ARL6IP6: variants seen among roughly 807,000 people sequenced by gnomAD.
ARL6IP6 encodes the protein ADP-ribosylation factor-like protein 6-interacting protein 6.
ARL6IP6 carries 22 observed loss-of-function variants against 21.5 expected under a neutral mutation model. The observed-to-expected ratio is 1.02, with a 90% CI of 0.73 to 1.46. ARL6IP6 has a LOEUF of 1.46. Ranked by LOEUF, ARL6IP6 falls within the 40% of genes most tolerant of loss-of-function variation. ARL6IP6 has a pLI of 0.00. For missense variants in ARL6IP6, 388 were observed against 299.8 expected (o/e 1.29, Z -2.17); for synonymous variants, 164 against 125.3 (o/e 1.31, Z -2.06).
intron 2 of ARL6IP6, among the ~76,000 whole-genome samples, chr2:152,726,373 C>A (rs963578504): frequency 2.0e-5 from 3 of 152,176 alleles, no homozygotes; most frequent in Non-Finnish European, 4.4e-5. Context: ...ACTCTGCACC[C>A]ACTATGCTCA....
chr2:152,754,047 T>G (rs1052384040), intron 3 of ARL6IP6, among the ~76,000 whole-genome samples: 37 of 137,648 alleles, frequency 2.7e-4, no homozygotes, highest in Non-Finnish European at 4.0e-4. Flanking sequence ...TTGTTTTTTG[T>G]TTTTTTTTTT....
chr2:152,740,505 G>A (rs553207731), intron 3 of ARL6IP6, among the ~76,000 whole-genome samples: 42 of 149,952 alleles, frequency 2.8e-4, no homozygotes, highest in Admixed American at 5.3e-4. Flanking sequence ...TATATGTTGT[G>A]TATGCACAAA....
chr2:152,759,089 G>T (rs1701714832), intron 3 of ARL6IP6, among the ~76,000 whole-genome samples: 1 of 152,100 alleles, frequency 6.6e-6, no homozygotes, highest in African/African-American at 2.4e-5. Flanking sequence ...AAAAACTGTT[G>T]TAAGATTGTT....
intron 2 of ARL6IP6, among the ~76,000 whole-genome samples, chr2:152,722,750 AAAAC>A (rs1213950308): frequency 3.9e-5 from 6 of 152,140 alleles, no homozygotes; most frequent in Admixed American, 3.3e-4. Flanking sequence ...TAAAAATACA[AAAAC>A]AAAATTAGCT....
At chr2:152,746,821 C>CTTTTTTTTTTTTTTTTTTTTTTT (rs61506535) in intron 3 of ARL6IP6, among the ~76,000 whole-genome samples, 2 of 33,082 alleles carry the variant, frequency 6.0e-5, no homozygotes, top group Non-Finnish European at 1.1e-4. Context: ...TTTATCCTTT[C>CTTTTTTTTTTTTTTTTTTTTTTT]TTTTTTTTTT....
intron 2 of ARL6IP6, 36 bp downstream of exon 2, chr2:152,720,622 C>T (rs775710805): frequency 2.5e-6 from 4 of 1,571,312 alleles, no homozygotes; most frequent in East Asian, 4.5e-5. Flanking sequence ...TGGTTTTGAG[C>T]TCACGTTTGT....
At chr2:152,720,492 T>A (rs574413561) in intron 1 of ARL6IP6, 41 bp from the exon 2 acceptor site, 11 of 1,587,162 alleles carry the variant, frequency 6.9e-6, no homozygotes, top group Non-Finnish European at 8.7e-6. Context: ...TTTCAAATTA[T>A]AGTATTGCTT....
chr2:152,738,839 C>G (rs1245502389), intron 3 of ARL6IP6, among the ~76,000 whole-genome samples: 1 of 151,936 alleles, frequency 6.6e-6, no homozygotes, highest in African/African-American at 2.4e-5. Context: ...ATTGCTACAG[C>G]TGGCTTGAAT....
chr2:152,749,946 G>T (rs1324033071), intron 3 of ARL6IP6, among the ~76,000 whole-genome samples: 1 of 152,172 alleles, frequency 6.6e-6, no homozygotes, highest in African/African-American at 2.4e-5. Context: ...GTCAAATGAA[G>T]AGTCACATCT....
rs1235742383 is a variant in ARL6IP6 at position 152,718,815 on chromosome 2, G to C, written c.191G>C (p.Trp64Ser). Residue 64 changes from tryptophan to serine, a missense_variant, in exon 1 of 4, where the codon TGG becomes TCG. Physicochemically the swap from Trp to Ser is radical, Grantham distance 177 (BLOSUM62 -3). Transcript: ENST00000326446. ...CGGGCGGAGTTCTCGGCTGGGGCGT[G>C]GTCAGAGCCCAGAAAGCGCTCGGTG... The part of the protein sequence containing the change: ...DLRAEFSAGA[W>S]SEPRKRSVLP... 2 of 1,608,488 alleles carry C rather than the reference G, an allele frequency of 1.2e-6. No homozygotes were observed. The highest frequency in any genetic ancestry group is 8.5e-7 in the Non-Finnish European group (1 of 1,177,234).
chr2:152,744,509 G>C (rs912756623), intron 3 of ARL6IP6, among the ~76,000 whole-genome samples: 1 of 152,094 alleles, frequency 6.6e-6, no homozygotes, highest in Non-Finnish European at 1.5e-5. Flanking sequence ...TCAGTTATTA[G>C]TGTTATATCA....
At position 152,734,919 on chromosome 2, in the gene ARL6IP6, A is replaced by G. The variant is rs952361628; in HGVS notation, c.455-75A>G. ...AAGATGAGAAATATACATGATCTGA[A>G]CATGAGAGTACTGGTTTAATTTAAA... On this transcript the variant is annotated intron_variant, in intron 2 of 3. Transcript: ENST00000326446. The G allele has an allele frequency of 2.1e-6, 3 of 1,423,484 alleles. No individual in the cohort carries two copies. In the African/African-American group the frequency reaches 4.3e-5, roughly 20 times the overall value. The allele number at this position is 1,423,484 out of a possible 1,614,324, so 88.2% of individuals were successfully genotyped here.
At chr2:152,730,208 A>G (rs557474971) in intron 2 of ARL6IP6, among the ~76,000 whole-genome samples, 1 of 152,336 alleles carries the variant, frequency 6.6e-6, no homozygotes, top group South Asian at 2.1e-4. Flanking sequence ...GAAAAACTCA[A>G]GAATATTCTT....
rs1313756973 is a variant in ARL6IP6 at position 152,761,488 on chromosome 2, A to G, written c.*1648A>G. ...ACCACCAATGTGAGTAACTCCCTCC[A>G]GATTGTTTGTGTCTAATGACTAGGA... On this transcript the variant is annotated 3_prime_UTR_variant, in exon 4 of 4. Transcript: ENST00000326446. 6.6e-6 allele frequency among the ~76,000 whole-genome samples: 1 copy of G among 152,136 alleles called. No homozygotes were observed. The highest frequency in any genetic ancestry group is 2.4e-5 in the African/African-American group (1 of 41,430).
In ARL6IP6 at chr2:152,721,566, G is replaced by T. The variant is rs185313462; in HGVS notation, c.454+980G>T. Among the ~76,000 whole-genome samples the T allele has an allele frequency of 1.5e-3, 227 of 152,272 alleles. 1 individual carries two copies. Among genetic ancestry groups the T allele is most frequent in the Non-Finnish European group, 2.2e-3 (153 of 68,026 alleles). On this transcript the variant is annotated intron_variant, in intron 2 of 3. Coordinates refer to ENST00000326446, the MANE Select transcript of ARL6IP6 (RefSeq NM_152522.7). Reference sequence around the variant, plus strand: ...TATTTGCTTTGATCACTCTAAATTGGGGAGGGGAGATCAAACTTAATCACT... The same window carrying T: ...TATTTGCTTTGATCACTCTAAATTGTGGAGGGGAGATCAAACTTAATCACT...
At chr2:152,717,961 T>C, upstream of ARL6IP6, 4 of 1,006,646 alleles carry the variant, frequency 4.0e-6, no homozygotes, top group South Asian at 1.5e-4. Context: ...AAAGGAGGGG[T>C]TCGGAGGAGA....
chr2:152,738,866 GTT>G (rs1346385212), intron 3 of ARL6IP6, among the ~76,000 whole-genome samples: 1 of 148,078 alleles, frequency 6.8e-6, no homozygotes, highest in Non-Finnish European at 1.5e-5. Context: ...TCAGAAAATT[GTT>G]TTTTCTTTTC....
intron 2 of ARL6IP6, among the ~76,000 whole-genome samples, chr2:152,723,607 A>G (rs981756978): frequency 6.0e-4 from 91 of 152,194 alleles, no homozygotes; most frequent in Admixed American, 6.5e-5. Context: ...ACTGACAAAA[A>G]TTTTGTACAC....
At chr2:152,718,559 T>A, upstream of ARL6IP6, 1 of 1,486,908 alleles carries the variant, frequency 6.7e-7, no homozygotes, top group Non-Finnish European at 8.9e-7. Flanking sequence ...GGATTGGCTG[T>A]TGCGGACCCG....
Sources: allele counts gnomAD v4.1 joint callset (sites outside exome capture counted in the v4.1 genomes callset), GRCh38; gene constraint gnomAD v4.1.1; transcripts MANE v1.5; gene names NCBI Gene and HGNC (gene_info 2026-07-23, HGNC 2026-07-21).